The following DPP10 variants were observed in gnomAD, a reference collection of about 807,000 sequenced individuals.
The protein encoded by DPP10 is inactive dipeptidyl peptidase 10.
DPP10 carries 33 observed loss-of-function variants against 120.9 expected under a neutral mutation model. That is an observed-to-expected ratio of 0.27 (90% CI 0.21 to 0.37). The LOEUF (loss-of-function observed/expected upper bound fraction) is 0.37. Among genes scored for constraint, DPP10 ranks in the 10% least tolerant of loss-of-function variants. The pLI is 1.00. For missense variants in DPP10, 816 were observed against 942.8 expected, an observed-to-expected ratio of 0.87 and a Z score of 1.76; for synonymous variants, 337 against 326.1, an observed-to-expected ratio of 1.03 and a Z score of -0.36.
At chr2:115,807,728 A>G (rs1341576038) in intron 19 of DPP10, among the ~76,000 whole-genome samples, 1 of 152,034 alleles carries the variant, frequency 6.6e-6, no homozygotes, top group Non-Finnish European at 1.5e-5. Context: ...GAGGAAGGCT[A>G]GGGGAGAGAT....
At chr2:114,932,519 A>G (rs1696154670) in intron 1 of DPP10, among the ~76,000 whole-genome samples, 1 of 152,230 alleles carries the variant, frequency 6.6e-6, no homozygotes, top group Admixed American at 6.5e-5. Flanking sequence ...ATTTACAGAC[A>G]ATATTTTGAG....
At chr2:115,712,827 T>C (rs1465661875) in intron 7 of DPP10, among the ~76,000 whole-genome samples, 3 of 151,764 alleles carry the variant, frequency 2.0e-5, no homozygotes, top group African/African-American at 4.8e-5. Context: ...AAATGAAATA[T>C]GTTTTTGCAG....
chr2:115,403,843 A>G (rs900571745), intron 3 of DPP10, among the ~76,000 whole-genome samples: 1 of 152,190 alleles, frequency 6.6e-6, no homozygotes, highest in Non-Finnish European at 1.5e-5. Context: ...TGTGTAAAAC[A>G]CCTTAAAGAC....
intron 5 of DPP10, among the ~76,000 whole-genome samples, chr2:115,666,559 A>G (rs572746159): frequency 1.3e-5 from 2 of 152,114 alleles, no homozygotes; most frequent in South Asian, 4.1e-4. Flanking sequence ...GCCTCCAGCT[A>G]TATCCATGAT....
intron 3 of DPP10, among the ~76,000 whole-genome samples, chr2:115,479,133 G>C (rs888735900): frequency 1.3e-5 from 2 of 152,104 alleles, no homozygotes; most frequent in Admixed American, 1.3e-4. Flanking sequence ...ATTCACAAAA[G>C]CTAAAATGTG....
chr2:114,488,226 T>C (rs1681677517), intron 1 of DPP10, among the ~76,000 whole-genome samples: 1 of 152,182 alleles, frequency 6.6e-6, no homozygotes. Context: ...TCTGGCCTAG[T>C]GGGGAAGCAA....
rs200641982 is a variant in DPP10, at chr2:115,111,255, A to T, written c.61-197984A>T. On this transcript the variant is annotated intron_variant, in intron 1 of 25. Coordinates refer to ENST00000410059, the MANE Select transcript of DPP10 (RefSeq NM_020868.6). ...GGTGTTTTTGCTTTTTTTTTTTTTT[A>T]AATTACGTTGTATAGCTTTTTAATG... is the stretch of plus-strand genomic sequence containing the variant. Among the ~76,000 whole-genome samples, 23 of 148,756 alleles carry T rather than the reference A, an allele frequency of 1.5e-4. No individual in the cohort carries two copies. The South Asian group carries it at 1.9e-3, about 12-fold the overall frequency.
rs1036419414 is a variant in DPP10 at position 115,813,354 on chromosome 2, G to A, written c.1701-1439G>A. Among the ~76,000 whole-genome samples the A allele has an allele frequency of 4.6e-5, 7 of 152,140 alleles. No homozygotes were observed. The East Asian group carries it at 1.4e-3, about 29-fold the overall frequency. ...TGAGGGCTCTCCTTGGGTTGCAGAC[G>A]ACCGCCCTCTTTGCGCCTCTTCATA... On this transcript the variant is annotated intron_variant, in intron 19 of 25. Coordinates refer to ENST00000410059, the MANE Select transcript of DPP10 (RefSeq NM_020868.6).
In DPP10 at chr2:114,639,760, T is replaced by C. The variant is rs1025879182; in HGVS notation, c.60+196922T>C. Among the ~76,000 whole-genome samples, 4 of 152,000 alleles carry C rather than the reference T, an allele frequency of 2.6e-5. 1 individual carries two copies. Among genetic ancestry groups the C allele is most frequent in the Admixed American group, 6.5e-5 (1 of 15,282 alleles). On this transcript the variant is annotated intron_variant, in intron 1 of 25. Coordinates refer to ENST00000410059, the MANE Select transcript of DPP10 (RefSeq NM_020868.6). ...CTGTACTAGGATCTTCAAAAGATAC[T>C]AGACAATTTATTTTTTCTTTTATCA...
chr2:115,267,735 A>G (rs545979981), intron 1 of DPP10, among the ~76,000 whole-genome samples: 69 of 152,162 alleles, frequency 4.5e-4, no homozygotes, highest in African/African-American at 1.5e-3. Context: ...CACAATTCCA[A>G]TTTTTCAAAA....
At chr2:115,276,994 C>CGAAA (rs1433829099) in intron 1 of DPP10, among the ~76,000 whole-genome samples, 4 of 152,092 alleles carry the variant, frequency 2.6e-5, no homozygotes, top group Admixed American at 2.6e-4. Context: ...GTTGATATTT[C>CGAAA]TGCTTTATTT....
chr2:115,127,322 C>T (rs1341772199), intron 1 of DPP10, among the ~76,000 whole-genome samples: 1 of 152,050 alleles, frequency 6.6e-6, no homozygotes, highest in African/African-American at 2.4e-5. Flanking sequence ...GTTCTGGATT[C>T]CTGTATTCTC....
At chr2:115,228,756 A>T (rs1431657966) in intron 1 of DPP10, among the ~76,000 whole-genome samples, 1 of 152,056 alleles carries the variant, frequency 6.6e-6, no homozygotes, top group Non-Finnish European at 1.5e-5. Context: ...TAAGTACAAC[A>T]ATTTCTTCAT....
At chr2:115,037,552 T>C (rs1285299748) in intron 1 of DPP10, among the ~76,000 whole-genome samples, 2 of 152,240 alleles carry the variant, frequency 1.3e-5, no homozygotes, top group African/African-American at 2.4e-5. Flanking sequence ...TGCAGTGATT[T>C]TCAAAGCATG....
At chr2:114,649,255 A>C (rs1173125098) in intron 1 of DPP10, among the ~76,000 whole-genome samples, 1 of 152,236 alleles carries the variant, frequency 6.6e-6, no homozygotes, top group Admixed American at 6.5e-5. Context: ...TCTGATACAC[A>C]TTAGAAACAC....
intron 1 of DPP10, among the ~76,000 whole-genome samples, chr2:115,133,417 A>G (rs1021222420): frequency 1.3e-5 from 2 of 151,886 alleles, no homozygotes; most frequent in African/African-American, 4.8e-5. Context: ...AGAGTCTAAG[A>G]CCTGTTATTC....
chr2:115,339,482 T>C (rs954803878), intron 2 of DPP10, among the ~76,000 whole-genome samples: 4 of 152,186 alleles, frequency 2.6e-5, no homozygotes, highest in African/African-American at 9.6e-5. Flanking sequence ...AGAAAATGTA[T>C]GTTTGTACAA....
At chr2:115,284,568 T>C (rs1355865294) in intron 1 of DPP10, among the ~76,000 whole-genome samples, 2 of 152,044 alleles carry the variant, frequency 1.3e-5, no homozygotes, top group Admixed American at 1.3e-4. Flanking sequence ...AGGACAAGAC[T>C]AGCTTTTGGC....
chr2:114,791,991 G>C (rs1683289479), intron 1 of DPP10, among the ~76,000 whole-genome samples: 1 of 152,120 alleles, frequency 6.6e-6, no homozygotes, highest in South Asian at 2.1e-4. Context: ...TGTTATGCCT[G>C]TTTTCATTTC....
Sources: gnomAD v4.1 joint callset for allele counts (sites outside exome capture counted in the v4.1 genomes callset) on GRCh38, gnomAD v4.1.1 for gene constraint, MANE v1.5 for transcripts, NCBI Gene and HGNC (gene_info 2026-07-23, HGNC 2026-07-21) for gene names.